CNTNAP2: variants seen among roughly 807,000 people sequenced by gnomAD.
The protein encoded by CNTNAP2 is contactin-associated protein-like 2.
Under a neutral mutation model 155.2 loss-of-function variants are expected in CNTNAP2, and 98 were observed. That is an observed-to-expected ratio of 0.63 (90% CI 0.54 to 0.75). The LOEUF is 0.75. Among genes scored for constraint, CNTNAP2 ranks in the 30% least tolerant of loss-of-function variants. The pLI is 0.00. For synonymous variants in CNTNAP2, 651 were observed against 631.2 expected (o/e 1.03, Z -0.47); for missense variants, 1,727 against 1,688.1 (o/e 1.02, Z -0.40).
intron 15 of CNTNAP2, among the ~76,000 whole-genome samples, chr7:148,109,351 G>GTTTTGTTTTGTTT (rs1804291591): frequency 6.8e-6 from 1 of 146,986 alleles, no homozygotes; most frequent in Non-Finnish European, 1.5e-5. Flanking sequence ...AAGAAGAGAG[G>GTTTTGTTTTGTTT]TGTTTTGTTT....
chr7:146,271,228 C>T (rs1800077794), intron 1 of CNTNAP2, among the ~76,000 whole-genome samples: 1 of 151,924 alleles, frequency 6.6e-6, no homozygotes, highest in African/African-American at 2.4e-5. Context: ...CAAACCTTAA[C>T]CCCTGAAACC....
chr7:148,322,855 T>C (rs1048120140), intron 21 of CNTNAP2, among the ~76,000 whole-genome samples: 1 of 150,668 alleles, frequency 6.6e-6, no homozygotes, highest in Admixed American at 6.6e-5. Flanking sequence ...GGACTACCTT[T>C]CCCCACTTCC....
At chr7:146,946,251 A>G (rs1181957571) in intron 3 of CNTNAP2, among the ~76,000 whole-genome samples, 2 of 152,008 alleles carry the variant, frequency 1.3e-5, no homozygotes, top group Non-Finnish European at 2.9e-5. Flanking sequence ...GTCTAAATCT[A>G]CCAGACTAAG....
chr7:146,991,151 T>A lies in CNTNAP2; in HGVS notation c.403-52756T>A, dbSNP rs1798201343. Among the ~76,000 whole-genome samples the A allele has an allele frequency of 1.3e-5, 2 of 152,108 alleles. 1 individual carries two copies. On this transcript the variant is annotated intron_variant, in intron 3 of 23. Transcript: ENST00000361727. ...ATTCAGAAAAAAAGAAAAAATTAGA[T>A]CTAGCCCAGTCTGAAAGGAAAAATA...
intron 9 of CNTNAP2, among the ~76,000 whole-genome samples, chr7:147,328,243 G>C (rs754608403): frequency 1.3e-5 from 2 of 152,138 alleles, no homozygotes; most frequent in Non-Finnish European, 2.9e-5. Context: ...TGGAATCCAC[G>C]ATAAAGAGGG....
chr7:148,348,717 A>AC (rs1039580191), intron 21 of CNTNAP2, among the ~76,000 whole-genome samples: 1 of 152,074 alleles, frequency 6.6e-6, no homozygotes. Flanking sequence ...CCCCAGCCAC[A>AC]CCCCCTGAAG....
rs1803625231 is a variant in CNTNAP2 at position 147,229,336 on chromosome 7, A to G, written c.1349-70805A>G. 1.3e-5 allele frequency among the ~76,000 whole-genome samples: 2 copies of G among 152,020 alleles called. 1 individual carries two copies. The highest frequency in any genetic ancestry group is 4.2e-4 in the South Asian group (2 of 4,816). ...AATCTTTTAACTCAACTGTTTCAAA[A>G]CTCCTTTGGTTTTGAATCAATAAAA... is the stretch of plus-strand genomic sequence containing the variant. On this transcript the variant is annotated intron_variant, in intron 8 of 23. Transcript: ENST00000361727.
At chr7:147,887,122 G>A (rs952420944) in intron 13 of CNTNAP2, among the ~76,000 whole-genome samples, 16 of 152,016 alleles carry the variant, frequency 1.1e-4, no homozygotes, top group Admixed American at 7.2e-4. Flanking sequence ...AACAGACTTC[G>A]ACTATACAAT....
At chr7:146,748,123 G>GTTTTCTTTTC (rs1198174429) in intron 1 of CNTNAP2, among the ~76,000 whole-genome samples, 3 of 132,322 alleles carry the variant, frequency 2.3e-5, no homozygotes, top group Admixed American at 7.5e-5. Flanking sequence ...TCTATGTGGT[G>GTTTTCTTTTC]TTTTCTTTTC....
chr7:146,497,965 ATTAC>A (rs1442286312), intron 1 of CNTNAP2, among the ~76,000 whole-genome samples: 13 of 151,504 alleles, frequency 8.6e-5, no homozygotes, highest in East Asian at 3.9e-4. Context: ...TATATAATTG[ATTAC>A]TTACTTACTA....
At chr7:146,640,117 A>G (rs1010826296) in intron 1 of CNTNAP2, among the ~76,000 whole-genome samples, 1 of 152,274 alleles carries the variant, frequency 6.6e-6, no homozygotes, top group Admixed American at 6.5e-5. Flanking sequence ...CAAGAAAGCT[A>G]TAAAAGCCTT....
At chr7:146,969,688 T>C (rs1460931338) in intron 3 of CNTNAP2, among the ~76,000 whole-genome samples, 1 of 152,122 alleles carries the variant, frequency 6.6e-6, no homozygotes, top group East Asian at 1.9e-4. Flanking sequence ...CATCCTTTTA[T>C]TTTGAGCCTA....
chr7:146,375,622 G>A (rs1563060217), intron 1 of CNTNAP2, among the ~76,000 whole-genome samples: 1 of 152,114 alleles, frequency 6.6e-6, no homozygotes, highest in Non-Finnish European at 1.5e-5. Context: ...AGTTTCTTAT[G>A]GCAAATTTTG....
intron 13 of CNTNAP2, among the ~76,000 whole-genome samples, chr7:147,801,219 T>C (rs895128300): frequency 1.3e-5 from 2 of 152,090 alleles, no homozygotes; most frequent in East Asian, 3.9e-4. Flanking sequence ...TTATATATCA[T>C]GCATACATTC....
intron 13 of CNTNAP2, among the ~76,000 whole-genome samples, chr7:147,645,565 A>T (rs1795352639): frequency 6.6e-6 from 1 of 152,242 alleles, no homozygotes; most frequent in African/African-American, 2.4e-5. Context: ...GACAACTAGC[A>T]TCTGCATGAT....
chr7:148,098,061 C>A (rs1233010943), intron 15 of CNTNAP2, among the ~76,000 whole-genome samples: 1 of 152,046 alleles, frequency 6.6e-6, no homozygotes, highest in African/African-American at 2.4e-5. Flanking sequence ...TGACTGAGTT[C>A]TAAACGATGG....
chr7:146,492,047 C>T (rs1274954514), intron 1 of CNTNAP2, among the ~76,000 whole-genome samples: 1 of 152,004 alleles, frequency 6.6e-6, no homozygotes, highest in Non-Finnish European at 1.5e-5. Flanking sequence ...CTCTGATTTT[C>T]TATAATTAAG....
rs1584897210 is a variant in CNTNAP2 at position 146,379,124 on chromosome 7, C to T, written c.97+262151C>T. Among the ~76,000 whole-genome samples the T allele has an allele frequency of 4.6e-5, 7 of 152,310 alleles. 1 individual carries two copies. The highest frequency in any genetic ancestry group is 4.6e-4 in the Admixed American group (7 of 15,304). ...ATCTTGAGCCTGTGCCTCTACACAC[C>T]TCTTTTAAACCAATGCTCTTAGTAC... On this transcript the variant is annotated intron_variant, in intron 1 of 23. Transcript: ENST00000361727.
intron 1 of CNTNAP2, among the ~76,000 whole-genome samples, chr7:146,369,153 C>A (rs1478039803): frequency 1.3e-5 from 2 of 149,854 alleles, no homozygotes; most frequent in Non-Finnish European, 3.0e-5. Flanking sequence ...GGATCATTTT[C>A]CTTTGCCAGC....
Sources: gnomAD v4.1 joint callset for allele counts (sites outside exome capture counted in the v4.1 genomes callset) on GRCh38, gnomAD v4.1.1 for gene constraint, MANE v1.5 for transcripts, NCBI Gene and HGNC (gene_info 2026-07-23, HGNC 2026-07-21) for gene names.